Variants in TEX2 observed in about 807,000 individuals in gnomAD.
TEX2 encodes testis-expressed protein 2.
In TEX2, 53 loss-of-function variants were observed where a neutral mutation model predicts 106.9. The ratio of observed to expected loss-of-function variants is 0.50; its 90% CI spans 0.40 to 0.62. The LOEUF (loss-of-function observed/expected upper bound fraction) is 0.62. TEX2 is among the 20% of genes least tolerant of loss of function. TEX2 has a pLI of 0.00. For missense variants in TEX2, 1,207 were observed against 1,379.0 expected (o/e 0.88, Z 1.98); for synonymous variants, 523 against 534.8 (o/e 0.98, Z 0.30).
intron 2 of TEX2, among the ~76,000 whole-genome samples, chr17:64,197,440 A>G (rs1294826226): frequency 6.6e-6 from 1 of 152,096 alleles, no homozygotes; most frequent in Non-Finnish European, 1.5e-5. Context: ...AATCCTGTGA[A>G]TATCTGTAGT....
intron 5 of TEX2, among the ~76,000 whole-genome samples, chr17:64,186,962 A>G (rs1234273953): frequency 6.6e-6 from 1 of 152,184 alleles, no homozygotes; most frequent in Non-Finnish European, 1.5e-5. Flanking sequence ...ACCCAGCAAA[A>G]TAGTCTCAGC....
At chr17:64,235,180 A>G (rs1440572054) in intron 1 of TEX2, among the ~76,000 whole-genome samples, 1 of 152,242 alleles carries the variant, frequency 6.6e-6, no homozygotes, top group African/African-American at 2.4e-5. Flanking sequence ...TCTGCCAGGT[A>G]GGTACTATCA....
At chr17:64,206,800 A>G (rs558047218) in intron 2 of TEX2, among the ~76,000 whole-genome samples, 7 of 152,002 alleles carry the variant, frequency 4.6e-5, no homozygotes, top group Non-Finnish European at 8.8e-5. Context: ...CTGACCTCAC[A>G]TGATCCACCC....
intron 8 of TEX2, among the ~76,000 whole-genome samples, chr17:64,159,042 C>G (rs1013527634): frequency 6.6e-6 from 1 of 152,172 alleles, no homozygotes; most frequent in Non-Finnish European, 1.5e-5. Flanking sequence ...TCTAGAGAAG[C>G]ACAGCTTTCC....
chr17:64,241,836 T>C (rs896738451), intron 1 of TEX2, among the ~76,000 whole-genome samples: 2 of 152,200 alleles, frequency 1.3e-5, no homozygotes, highest in Admixed American at 6.6e-5. Flanking sequence ...GGTCTCACTG[T>C]TGCCCAAACT....
intron 1 of TEX2, among the ~76,000 whole-genome samples, chr17:64,221,210 G>A (rs1337063960): frequency 2.0e-5 from 3 of 152,168 alleles, no homozygotes; most frequent in African/African-American, 7.2e-5. Flanking sequence ...AGGGGGCAGG[G>A]GGCAGGAAGA....
chr17:64,178,036 T>A (rs116284043), intron 5 of TEX2, among the ~76,000 whole-genome samples: 53 of 152,278 alleles, frequency 3.5e-4, no homozygotes, highest in African/African-American at 1.2e-3. Context: ...CCCCTGGTAA[T>A]GTAATGAACA....
intron 1 of TEX2, chr17:64,255,756 T>C (rs2034172218): frequency 6.6e-6 from 1 of 152,218 alleles, no homozygotes; most frequent in Admixed American, 6.5e-5. Context: ...GGCGTGGTTG[T>C]TCCTTTGAAT....
At chr17:64,222,920 A>T (rs2033400272) in intron 1 of TEX2, among the ~76,000 whole-genome samples, 1 of 152,150 alleles carries the variant, frequency 6.6e-6, no homozygotes, top group Non-Finnish European at 1.5e-5. Flanking sequence ...GGATGTCTCA[A>T]ACTCTTCTGC....
At chr17:64,206,948 C>CAA (rs2032854668) in intron 2 of TEX2, among the ~76,000 whole-genome samples, 1 of 152,204 alleles carries the variant, frequency 6.6e-6, no homozygotes, top group East Asian at 1.9e-4. Context: ...AGGGCCTAGA[C>CAA]AACCACACAA....
At chr17:64,158,587 C>T (rs750786301) in intron 8 of TEX2, among the ~76,000 whole-genome samples, 7 of 152,198 alleles carry the variant, frequency 4.6e-5, no homozygotes, top group African/African-American at 1.4e-4. Context: ...GCTACTAAGC[C>T]GCGTGGTGAT....
intron 7 of TEX2, among the ~76,000 whole-genome samples, chr17:64,169,783 A>G (rs1167708080): frequency 6.6e-6 from 1 of 152,242 alleles, no homozygotes; most frequent in Non-Finnish European, 1.5e-5. Flanking sequence ...CAAATTTTAT[A>G]AAACATTTAC....
Position 64,160,931 on chromosome 17 carries a change from G to C in TEX2, c.2674C>G (p.Leu892Val). Residue 892 changes from leucine to valine, a missense_variant and splice_region_variant, in exon 8 of 12, where the codon CTC (leucine) becomes GTC (valine). By Grantham distance (32) the Leu-to-Val change is conservative. Transcript: ENST00000584379. ...AFKPYVDHQGLWIDLEMSYNG... is the reference protein window; with the variant it reads ...AFKPYVDHQGVWIDLEMSYNG... The stretch of plus-strand genomic sequence containing the variant: ...TAGGACATTTCCAAATCAATCCAGA[G>C]TCCTGGAGAAATGGTGAAAAAACAG... 1.2e-6 allele frequency: 2 copies of C among 1,608,540 alleles called. No individual in the cohort carries two copies. The highest frequency in any genetic ancestry group is 1.7e-6 in the Non-Finnish European group (2 of 1,178,690).
intron 4 of TEX2, among the ~76,000 whole-genome samples, chr17:64,188,625 G>GCTA (rs1368822101): frequency 6.6e-6 from 1 of 151,996 alleles, no homozygotes; most frequent in African/African-American, 2.4e-5. Flanking sequence ...GACCATCCTG[G>GCTA]CTAACACAGT....
At chr17:64,151,875 G>T (rs963131243) in intron 10 of TEX2, among the ~76,000 whole-genome samples, 3 of 151,996 alleles carry the variant, frequency 2.0e-5, no homozygotes, top group African/African-American at 4.8e-5. Context: ...ATTAACAGTG[G>T]TTATTTCTGG....
At chr17:64,196,696 T>C (rs2032478773) in intron 2 of TEX2, among the ~76,000 whole-genome samples, 1 of 152,242 alleles carries the variant, frequency 6.6e-6, no homozygotes, top group South Asian at 2.1e-4. Flanking sequence ...TTTTGCTAAA[T>C]GTAGAACTAA....
At position 64,183,857 on chromosome 17, in the gene TEX2, C is replaced by T. The variant is rs529199791; in HGVS notation, c.2424+4311G>A. ...TCTTGCCCAGGCTGGTCTCGAACTC[C>T]TGAGCTCAAGTGATCCATTCGCCTC... is the stretch of plus-strand genomic sequence containing the variant. On this transcript the variant is annotated intron_variant, in intron 5 of 11. Coordinates refer to ENST00000584379, the MANE Select transcript of TEX2 (RefSeq NM_001288732.2). Among the ~76,000 whole-genome samples the T allele has an allele frequency of 2.0e-5, 3 of 152,200 alleles. No individual in the cohort carries two copies. In the East Asian group the frequency reaches 5.8e-4, roughly 29 times the overall value.
chr17:64,155,978 T>G (rs919505345), intron 8 of TEX2: 1 of 152,050 alleles, frequency 6.6e-6, no homozygotes, highest in Non-Finnish European at 1.5e-5. Context: ...CACAACCAAA[T>G]GGTCACCAAG....
At chr17:64,160,643 T>C (rs990441483) in intron 8 of TEX2, among the ~76,000 whole-genome samples, 158 bp downstream of exon 8, 1 of 152,134 alleles carries the variant, frequency 6.6e-6, no homozygotes, top group Non-Finnish European at 1.5e-5. Context: ...GGGATGAGAC[T>C]AGGAAACCAT....
Sources: gnomAD v4.1 joint callset for allele counts (sites outside exome capture counted in the v4.1 genomes callset) on GRCh38, gnomAD v4.1.1 for gene constraint, MANE v1.5 for transcripts, NCBI Gene and HGNC (gene_info 2026-07-23, HGNC 2026-07-21) for gene names.